Variants in NCL observed in about 807,000 individuals in gnomAD.
NCL encodes the protein nucleolin multifunctional protein.
In NCL, 4 loss-of-function variants were observed where a neutral mutation model predicts 77.7. The observed-to-expected ratio is 0.05, with a 90% CI of 0.03 to 0.12. The LOEUF is 0.12. Ranked by LOEUF, NCL falls within the 10% of genes least tolerant of loss-of-function variation. The probability of loss-of-function intolerance (pLI) is 1.00; values close to 1 mark genes in which losing one functional copy is unlikely to be tolerated. For missense variants in NCL, 763 were observed against 860.9 expected (o/e 0.89, Z 1.42); for synonymous variants, 344 against 297.8 (o/e 1.16, Z -1.60).
intron 1 of NCL, 99 bp downstream of exon 1, chr2:231,464,237 C>G: frequency 1.3e-6 from 2 of 1,507,626 alleles, no homozygotes; most frequent in South Asian, 1.2e-5. Context: ...CGCCCTAGAA[C>G]GCGCCCGGGA....
Position 231,454,266 on chromosome 2 carries a change from C to T in NCL, c.*925G>A, listed in dbSNP as rs1452152974. Reference sequence around the variant, plus strand: ...GTTCACGTGACTCTCCCGCTTCAGCCTCCTGAGTAGCTGGGACTACAGGAG... The same window carrying T: ...GTTCACGTGACTCTCCCGCTTCAGCTTCCTGAGTAGCTGGGACTACAGGAG... On this transcript the variant is annotated 3_prime_UTR_variant, in exon 14 of 14. Coordinates refer to ENST00000322723, the MANE Select transcript of NCL (RefSeq NM_005381.3). 2.0e-5 allele frequency: 3 copies of T among 152,322 alleles called. No homozygotes were observed. Among genetic ancestry groups the T allele is most frequent in the Non-Finnish European group, 4.4e-5 (3 of 68,168 alleles). The allele number at this position is 152,322 out of a possible 1,614,324, so 9.4% of individuals were successfully genotyped here.
At chr2:231,456,583 A>G in intron 11 of NCL, 48 bp downstream of exon 11, 1 of 1,611,090 alleles carries the variant, frequency 6.2e-7, no homozygotes, top group Non-Finnish European at 8.5e-7. Flanking sequence ...TAAACAAAGC[A>G]CCGAGAGTGC....
rs199652765 is a variant in NCL, at chr2:231,458,315, C to G, written c.1240G>C (p.Glu414Gln). Residue 414 changes from glutamate (E) to glutamine (Q), a missense_variant, in exon 8 of 14, where the codon GAA (glutamate) becomes CAA (glutamine). Around this residue, in one of 2 missense-constraint regions of NCL, gnomAD observed 590 missense variants for 570.5 expected, o/e 1.03. Transcript: ENST00000322723. Reference sequence around the variant, plus strand: ...ACTAATCTGATCTCCGCAGCATCTTCAAACACTTCTTTCAATTCATCCTGA... The same window carrying G: ...ACTAATCTGATCTCCGCAGCATCTTGAAACACTTCTTTCAATTCATCCTGA... ...VTQDELKEVFEDAAEIRLVSK... is the reference protein window; with the variant it reads ...VTQDELKEVFQDAAEIRLVSK... 5 of 1,614,128 alleles carry G rather than the reference C, an allele frequency of 3.1e-6. No homozygotes were observed. Among genetic ancestry groups the G allele is most frequent in the Non-Finnish European group, 4.2e-6 (5 of 1,179,982 alleles).
rs2046940579 is a variant in NCL at position 231,460,716 on chromosome 2, TCTTCA to T, written c.759_763del (p.Asp253GlufsTer2). On this transcript the variant is annotated frameshift_variant, in exon 4 of 14. Transcript: ENST00000322723. LOFTEE classifies it high-confidence loss of function. ...CTCCTCATCATCTTCATCATCATCA[TCTTCA>T]TCATCTTCGTCGTCGTCGTCATCCT... The T allele has an allele frequency of 6.2e-7, 1 of 1,611,870 alleles. No individual in the cohort carries two copies. Among genetic ancestry groups the T allele is most frequent in the Admixed American group, 1.7e-5 (1 of 59,922 alleles).
At chr2:231,458,542 G>A (rs2046914956) in intron 7 of NCL, 153 bp from the exon 8 acceptor site, 2 of 973,568 alleles carry the variant, frequency 2.1e-6, no homozygotes, top group Non-Finnish European at 2.9e-6. Flanking sequence ...TGGAGATATA[G>A]CAGTGTCAAC....
At position 231,461,672 on chromosome 2, in the gene NCL, C is replaced by T. The variant is rs1559542595; in HGVS notation, c.481G>A (p.Glu161Lys). The change falls in exon 3 of 14, where the codon GAG becomes AAG. Residue 161 changes from glutamate to lysine, a missense_variant. This residue lies in a region of NCL where 590 missense variants were observed against 570.5 expected (regional missense o/e 1.03). Transcript: ENST00000322723. ...TCATCTTCATCCTCATCCTCGTCCTCGTCATCCTCCTCATCCTCCTCACTG... is the reference window on the plus strand; with the variant it reads ...TCATCTTCATCCTCATCCTCGTCCTTGTCATCCTCCTCATCCTCCTCACTG... ...DDSEEDEEDD[E>K]DEDEDEDEIE... 10 of 1,612,254 alleles carry T rather than the reference C, an allele frequency of 6.2e-6. No homozygotes were observed. The highest frequency in any genetic ancestry group is 7.6e-6 in the Non-Finnish European group (9 of 1,178,388).
chr2:231,460,427 T>C, intron 5 of NCL, 51 bp downstream of exon 5: 1 of 1,589,966 alleles, frequency 6.3e-7, no homozygotes, highest in Non-Finnish European at 8.6e-7. Flanking sequence ...CCTTTGTTAT[T>C]CATCATTTGT....
intron 12 of NCL, 122 bp downstream of exon 12, chr2:231,455,888 G>T (rs567099750): frequency 6.8e-7 from 1 of 1,475,736 alleles, no homozygotes; most frequent in South Asian, 1.1e-5. Context: ...CTTCTCGTGC[G>T]AATCCATAAA....
chr2:231,455,870 T>G (rs13019380), intron 12 of NCL, 140 bp downstream of exon 12: 128,608 of 1,366,166 alleles, frequency 0.094, 6,661 homozygotes, highest in Non-Finnish European at 0.1. Context: ...TTCTGTGAAT[T>G]CTCTCTTCTT....
intron 2 of NCL, chr2:231,462,979 G>T: frequency 1.9e-6 from 1 of 518,172 alleles, no homozygotes; most frequent in East Asian, 3.5e-5. Context: ...CCCTGCAGAG[G>T]AACATGTAAA....
Position 231,454,936 on chromosome 2 carries a change from T to TGAAACA in NCL, c.*249_*254dup, listed in dbSNP as rs2046869570. On this transcript the variant is annotated 3_prime_UTR_variant, in exon 14 of 14. Transcript: ENST00000322723. ...GGAAAAAATGGTTTTGTACATGGGA[T>TGAAACA]GAAACAATATAAATTCAAAACTTAC... 1 of 381,786 alleles carries TGAAACA rather than the reference T, an allele frequency of 2.6e-6. No individual in the cohort carries two copies. Among genetic ancestry groups the TGAAACA allele is most frequent in the African/African-American group, 2.0e-5 (1 of 49,396 alleles). 23.6% of individuals were successfully genotyped at this position (381,786 alleles called of 1,614,324 possible).
chr2:231,455,353 G>A, intron 13 of NCL, 48 bp downstream of exon 13: 3 of 1,613,348 alleles, frequency 1.9e-6, no homozygotes, highest in Non-Finnish European at 2.5e-6. Flanking sequence ...AGGGCACAGG[G>A]TCTGAAGAGC....
intron 9 of NCL, chr2:231,457,422 A>G: frequency 1.3e-6 from 1 of 753,830 alleles, no homozygotes; most frequent in Non-Finnish European, 2.4e-6. Context: ...AGGAAGCTTG[A>G]TTTGCCTACT....
At chr2:231,464,115 T>C in intron 1 of NCL, 4 of 1,375,630 alleles carry the variant, frequency 2.9e-6, no homozygotes, top group Non-Finnish European at 3.8e-6. Context: ...GACTCTGTCT[T>C]TCCCGCCGCG....
intron 7 of NCL, 44 bp from the exon 8 acceptor site, chr2:231,458,433 A>ACAG (rs2046912629): frequency 6.2e-7 from 1 of 1,600,454 alleles, no homozygotes; most frequent in African/African-American, 1.3e-5. Flanking sequence ...CTGAAAAACC[A>ACAG]AAGGTGGGGG....
intron 12 of NCL, 76 bp downstream of exon 12, chr2:231,455,934 G>C: frequency 6.2e-7 from 1 of 1,605,878 alleles, no homozygotes; most frequent in Non-Finnish European, 8.5e-7. Context: ...TCAATGAGAA[G>C]ACACATTAGA....
chr2:231,457,722 C>T lies in NCL; in HGVS notation c.1368G>A (p.Gly456=), dbSNP rs1575259646. The T allele has an allele frequency of 6.2e-7, 1 of 1,611,968 alleles. No homozygotes were observed. Among genetic ancestry groups the T allele is most frequent in the Non-Finnish European group, 8.5e-7 (1 of 1,178,294 alleles). Residue 456 remains glycine, a synonymous_variant, in exon 9 of 14, where the codon GGG becomes GGA. Coordinates refer to ENST00000322723, the MANE Select transcript of NCL (RefSeq NM_005381.3). ...FEEKQGTEID[G]RSISLYYTGE... ...CAGTATAGTACAGGGAAATAGATCG[C>T]CCATCGATCTCTGTTCCCTGCTTTT...
rs527340779 is a variant in NCL, at chr2:231,454,983, C to T, written c.*208G>A. On this transcript the variant is annotated 3_prime_UTR_variant, in exon 14 of 14. Coordinates refer to ENST00000322723, the MANE Select transcript of NCL (RefSeq NM_005381.3). ...TTACAGATAAGGGTTAGCTCTATCA[C>T]TCAACTCTTTAAAAAGTTTATATGA... 2 of 547,456 alleles carry T rather than the reference C, an allele frequency of 3.7e-6. No homozygotes were observed. Among genetic ancestry groups the T allele is most frequent in the East Asian group, 5.8e-5 (2 of 34,576 alleles). The allele number at this position is 547,456 out of a possible 1,614,324, so 33.9% of individuals were successfully genotyped here.
intron 1 of NCL, chr2:231,464,068 C>G (rs925636660): frequency 4.6e-6 from 6 of 1,311,572 alleles, no homozygotes; most frequent in Non-Finnish European, 5.9e-6. Context: ...TCTCATCTCT[C>G]CACCCCGAGG....
Sources: gnomAD v4.1 joint callset for allele counts on GRCh38, gnomAD v4.1.1 for gene constraint, gnomAD v4.1.1 regional missense constraint, MANE v1.5 for transcripts, NCBI Gene and HGNC (gene_info 2026-07-23, HGNC 2026-07-21) for gene names.